Variants in ANK3 observed in about 807,000 individuals in gnomAD.
ANK3 encodes the protein ankyrin-3.
In ANK3, 57 loss-of-function variants were observed where a neutral mutation model predicts 370.9. The ratio of observed to expected loss-of-function variants is 0.15; its 90% CI spans 0.12 to 0.19. The LOEUF is 0.19. ANK3 is among the 10% of genes least tolerant of loss of function. The pLI, the probability that ANK3 is intolerant of heterozygous loss-of-function variation, is 1.00. For synonymous variants in ANK3, 1,929 were observed against 1,946.3 expected, an observed-to-expected ratio of 0.99 and a Z score of 0.23; for missense variants, 4,439 against 5,302.1, an observed-to-expected ratio of 0.84 and a Z score of 5.06.
chr10:60,545,067 CA>C (rs1366031597), intron 2 of ANK3, among the ~76,000 whole-genome samples: 3 of 152,244 alleles, frequency 2.0e-5, no homozygotes, highest in Non-Finnish European at 4.4e-5. Flanking sequence ...CAACCATAAT[CA>C]GTAAGTACGA....
At chr10:60,435,334 T>C (rs989261915) in intron 2 of ANK3, among the ~76,000 whole-genome samples, 2 of 152,222 alleles carry the variant, frequency 1.3e-5, no homozygotes, top group Non-Finnish European at 2.9e-5. Context: ...AACAAGTGTA[T>C]AAACTGTTGC....
chr10:60,573,026 A>T, intron 2 of ANK3: 1 of 987,074 alleles, frequency 1.0e-6, no homozygotes, highest in Non-Finnish European at 1.2e-6. Flanking sequence ...GCTGAATGTA[A>T]ATTGCTCTCC....
chr10:60,253,247 C>T (rs2097692795), intron 7 of ANK3, among the ~76,000 whole-genome samples: 1 of 152,154 alleles, frequency 6.6e-6, no homozygotes, highest in African/African-American at 2.4e-5. Flanking sequence ...TGGCTGATGT[C>T]TCTCTCATTT....
At chr10:60,207,972 C>A in intron 10 of ANK3, 64 bp downstream of exon 10, 1 of 1,400,964 alleles carries the variant, frequency 7.1e-7, no homozygotes, top group Non-Finnish European at 1.0e-6. Flanking sequence ...ATTCCCTTCA[C>A]ATACAGAGGC....
rs777365913 is a variant in ANK3 at position 60,075,775 on chromosome 10, T to C, written c.5106A>G (p.Ser1702=). 1 of 1,614,028 alleles carries C rather than the reference T, an allele frequency of 6.2e-7. No individual in the cohort carries two copies. Among genetic ancestry groups the C allele is most frequent in the South Asian group, 1.1e-5 (1 of 91,078 alleles). Reference sequence around the variant, plus strand: ...CATGTCCAGGCATCTGCTTCACAGGTGATGAGAGAGAAGATGCCATTGTAA... The same window carrying C: ...CATGTCCAGGCATCTGCTTCACAGGCGATGAGAGAGAAGATGCCATTGTAA... ...AKITMASSLS[S]PVKQMPGHAE... Residue 1702 remains serine (S), a synonymous_variant, in exon 37 of 44, where the codon TCA becomes TCG. Transcript: ENST00000280772.
At chr10:60,191,385 G>T (rs1175295722) in intron 16 of ANK3, among the ~76,000 whole-genome samples, 1 of 147,472 alleles carries the variant, frequency 6.8e-6, no homozygotes, top group East Asian at 2.0e-4. Context: ...AACTCAACAA[G>T]AAAAAAAAAA....
intron 2 of ANK3, among the ~76,000 whole-genome samples, chr10:60,537,443 C>T (rs2076749459): frequency 6.6e-6 from 1 of 151,696 alleles, no homozygotes; most frequent in South Asian, 2.1e-4. Context: ...AATTGAGAAC[C>T]TCAAACCATC....
At chr10:60,172,232 T>C (rs1434722206) in intron 21 of ANK3, 76 bp downstream of exon 21, 9 of 1,132,226 alleles carry the variant, frequency 7.9e-6, no homozygotes, top group South Asian at 1.3e-5. Flanking sequence ...GGAAAAAATA[T>C]TCATCTCAGA....
intron 2 of ANK3, among the ~76,000 whole-genome samples, chr10:60,436,649 G>T (rs2064166395): frequency 5.3e-5 from 8 of 151,952 alleles, no homozygotes; most frequent in Admixed American, 5.2e-4. Context: ...TTTCAATTTG[G>T]TTATTTATCT....
intron 1 of ANK3, among the ~76,000 whole-genome samples, chr10:60,639,896 C>A (rs2078606447): frequency 6.6e-6 from 1 of 151,728 alleles, no homozygotes; most frequent in Admixed American, 6.6e-5. Flanking sequence ...ATTTCACATT[C>A]CAATGAAAAA....
At chr10:60,169,669 A>G (rs2095729197) in intron 21 of ANK3, among the ~76,000 whole-genome samples, 1 of 152,140 alleles carries the variant, frequency 6.6e-6, no homozygotes, top group Non-Finnish European at 1.5e-5. Context: ...ATTTTCATAC[A>G]TTATTTGGAA....
At chr10:60,622,628 C>G (rs192882550) in intron 1 of ANK3, among the ~76,000 whole-genome samples, 63 of 152,246 alleles carry the variant, frequency 4.1e-4, no homozygotes, top group South Asian at 1.0e-3. Flanking sequence ...TTGTACCTGA[C>G]ATAGCATCTG....
chr10:60,493,742 G>T (rs1420585386), intron 2 of ANK3, among the ~76,000 whole-genome samples: 2 of 151,868 alleles, frequency 1.3e-5, no homozygotes, highest in African/African-American at 2.4e-5. Flanking sequence ...AAATGGGTTG[G>T]CTATATAGAG....
intron 1 of ANK3, among the ~76,000 whole-genome samples, chr10:60,361,428 A>G (rs2058591250): frequency 6.6e-6 from 1 of 152,202 alleles, no homozygotes; most frequent in Admixed American, 6.5e-5. Context: ...TTCTATGGTG[A>G]ATGCTTTATT....
chr10:60,515,331 A>T (rs1249976833), intron 2 of ANK3, among the ~76,000 whole-genome samples: 1 of 152,150 alleles, frequency 6.6e-6, no homozygotes, highest in East Asian at 1.9e-4. Context: ...GCCCCTGCAC[A>T]TTCAGCAGGG....
chr10:60,401,770 G>C (rs1445542093), intron 2 of ANK3, among the ~76,000 whole-genome samples: 3 of 152,014 alleles, frequency 2.0e-5, no homozygotes, highest in African/African-American at 7.3e-5. Flanking sequence ...CATTTAGATT[G>C]CCTCCAATTT....
intron 2 of ANK3, among the ~76,000 whole-genome samples, chr10:60,463,625 T>A (rs1321812829): frequency 2.6e-5 from 4 of 152,086 alleles, no homozygotes; most frequent in African/African-American, 9.7e-5. Context: ...CAAAGGACAG[T>A]CTGATATAAC....
chr10:60,626,623 C>T (rs1006305001), intron 1 of ANK3, among the ~76,000 whole-genome samples: 1 of 152,108 alleles, frequency 6.6e-6, no homozygotes, highest in Non-Finnish European at 1.5e-5. Flanking sequence ...TGCATTAAAG[C>T]CCTGGATAGG....
At chr10:60,627,237 A>G (rs376701202) in intron 1 of ANK3, among the ~76,000 whole-genome samples, 1 of 152,264 alleles carries the variant, frequency 6.6e-6, no homozygotes, top group South Asian at 2.1e-4. Flanking sequence ...ACATGAAATT[A>G]CATAGCAAAT....
Sources: gnomAD v4.1 joint callset for allele counts (sites outside exome capture counted in the v4.1 genomes callset) on GRCh38, gnomAD v4.1.1 for gene constraint, MANE v1.5 for transcripts, NCBI Gene and HGNC (gene_info 2026-07-23, HGNC 2026-07-21) for gene names.